Variants in CAMSAP3 observed in about 807,000 individuals in gnomAD.
CAMSAP3 encodes calmodulin-regulated spectrin-associated protein 3.
A neutral mutation model predicts 112.5 loss-of-function variants in CAMSAP3; 34 were observed. The observed-to-expected ratio is 0.30, with a 90% confidence interval of 0.23 to 0.40. The LOEUF is 0.40. Ranked by LOEUF, CAMSAP3 falls within the 10% of genes least tolerant of loss-of-function variation. The pLI is 1.00. For synonymous variants in CAMSAP3, 868 were observed against 799.8 expected (o/e 1.09, Z -1.44); for missense variants, 1,602 against 1,770.3 (o/e 0.90, Z 1.71).
chr19:7,613,668 G>A (rs969069671), intron 11 of CAMSAP3, among the ~76,000 whole-genome samples: 1 of 151,866 alleles, frequency 6.6e-6, no homozygotes, highest in Non-Finnish European at 1.5e-5. Flanking sequence ...ATAGACAGAT[G>A]GATGAATGGC....
chr19:7,613,079 G>T lies in CAMSAP3; in HGVS notation c.2586G>T (p.Gly862=), dbSNP rs1408172446. ...ADPAAEDEGD[G]SPAGAEDSLE... is the part of the protein sequence containing the mutation. ...CCGCCGCCGAGGACGAGGGAGACGG[G>T]AGCCCCGCTGGTGCTGAGGATTCCT... The change falls in exon 11 of 17, where the codon GGG becomes GGT. Residue 862 remains glycine, a synonymous_variant. Coordinates refer to ENST00000160298, the MANE Select transcript of CAMSAP3 (RefSeq NM_020902.2). 1 of 1,547,536 alleles carries T rather than the reference G, an allele frequency of 6.5e-7. No homozygotes were observed. The highest frequency in any genetic ancestry group is 1.2e-5 in the South Asian group (1 of 83,954).
chr19:7,596,819 G>A (rs2146149092), intron 1 of CAMSAP3, among the ~76,000 whole-genome samples: 1 of 152,256 alleles, frequency 6.6e-6, no homozygotes, highest in South Asian at 2.1e-4. Context: ...GAAGGGAAAT[G>A]GGTAGTACAA....
At chr19:7,597,606 G>A (rs1313712578) in intron 1 of CAMSAP3, among the ~76,000 whole-genome samples, 2 of 152,208 alleles carry the variant, frequency 1.3e-5, no homozygotes, top group South Asian at 2.1e-4. Flanking sequence ...GAGACCCCCC[G>A]TTACCTCTTT....
intron 2 of CAMSAP3, 135 bp from the exon 3 acceptor site, chr19:7,606,136 G>GCCCCCCCCCCCCCACCCC: frequency 2.0e-6 from 1 of 511,800 alleles, no homozygotes. Flanking sequence ...TGAACCACTG[G>GCCCCCCCCCCCCCACCCC]CCCCGCCCCC....
At position 7,607,555 on chromosome 19, in the gene CAMSAP3, C is replaced by T. The variant is rs549207920; in HGVS notation, c.622-571C>T. On this transcript the variant is annotated intron_variant, in intron 4 of 16. Transcript: ENST00000160298. The surrounding 1 kb of genome is among the most constrained non-coding windows in gnomAD (Gnocchi z 4.9). Reference sequence around the variant, plus strand: ...TTGGGAGGTTCCCTTCCTGCCTACCCGCTTCCTCTGCATCCTCTCCCCAAG... The same window carrying T: ...TTGGGAGGTTCCCTTCCTGCCTACCTGCTTCCTCTGCATCCTCTCCCCAAG... Among the ~76,000 whole-genome samples the T allele has an allele frequency of 4.3e-4, 65 of 152,262 alleles. No homozygotes were observed. The highest frequency in any genetic ancestry group is 1.4e-3 in the African/African-American group (59 of 41,560).
In CAMSAP3 at chr19:7,611,953, C is replaced by T. The variant is rs1205525297; in HGVS notation, c.1460C>T (p.Ser487Phe). ...GAADGSFYLH[S>F]PEGPSKPSLA... ...GCCGACGGCAGCTTCTACCTCCACT[C>T]CCCTGAGGGGCCCTCCAAGCCATCC... The change falls in exon 11 of 17, where the codon TCC becomes TTC. Residue 487 changes from serine (S) to phenylalanine (F), a missense_variant. By Grantham distance (155) the Ser-to-Phe change is radical. Coordinates refer to ENST00000160298, the MANE Select transcript of CAMSAP3 (RefSeq NM_020902.2). This position sits in a 1 kb window ranked among gnomAD's most constrained non-coding sequence, Gnocchi z 6.9. 3 of 1,609,262 alleles carry T rather than the reference C, an allele frequency of 1.9e-6. No individual in the cohort carries two copies. Among genetic ancestry groups the T allele is most frequent in the African/African-American group, 2.7e-5 (2 of 74,914 alleles).
intron 2 of CAMSAP3, 120 bp from the exon 3 acceptor site, chr19:7,606,151 G>GGCCC: frequency 2.0e-5 from 3 of 151,400 alleles, no homozygotes; most frequent in East Asian, 2.4e-4. Flanking sequence ...GCCCCCTCAA[G>GGCCC]CCCCACCCCC....
At chr19:7,603,260 G>T (rs1047150620) in intron 1 of CAMSAP3, among the ~76,000 whole-genome samples, 1 of 150,614 alleles carries the variant, frequency 6.6e-6, no homozygotes, top group Non-Finnish European at 1.5e-5. Flanking sequence ...TATCACCCAG[G>T]CTGGAGTGCA....
intron 4 of CAMSAP3, 49 bp downstream of exon 4, chr19:7,606,620 G>A: frequency 6.6e-7 from 1 of 1,520,920 alleles, no homozygotes; most frequent in East Asian, 2.4e-5. Flanking sequence ...CCGGAGATCT[G>A]GGAGGGCAGG....
rs972067429 is a variant in CAMSAP3 at position 7,615,346 on chromosome 19, G to A, written c.2810+24G>A. The A allele has an allele frequency of 2.0e-5, 31 of 1,535,638 alleles. No homozygotes were observed. The highest frequency in any genetic ancestry group is 8.2e-5 in the African/African-American group (6 of 72,818). ...AGGTGAGGCCGGGCCTGCCCGGGAC[G>A]CCCGCTCCTTGGCCTGTCTGCCACC... On this transcript the variant is annotated intron_variant, in intron 12 of 16. Transcript: ENST00000160298. This position sits in a 1 kb window ranked among gnomAD's most constrained non-coding sequence, Gnocchi z 6.5.
In CAMSAP3 at chr19:7,615,144, G is replaced by T; in HGVS notation, c.2671-39G>T. On this transcript the variant is annotated intron_variant, in intron 11 of 16. Coordinates refer to ENST00000160298, the MANE Select transcript of CAMSAP3 (RefSeq NM_020902.2). The surrounding 1 kb of genome is among the most constrained non-coding windows in gnomAD (Gnocchi z 6.5). ...GAAGATGGGCCTCCAGCCATGTTGG[G>T]GGAGGGGGTGGCTGGCTGGACTCGG... 1 of 1,552,208 alleles carries T rather than the reference G, an allele frequency of 6.4e-7. No individual in the cohort carries two copies. Among genetic ancestry groups the T allele is most frequent in the Non-Finnish European group, 8.7e-7 (1 of 1,147,880 alleles).
In CAMSAP3 at chr19:7,607,063, C is replaced by T. The variant is rs2030261998; in HGVS notation, c.621+492C>T. ...GATGGGTGGGGACGAACTTCCCCTC[C>T]CGTTATTCAGAAGGGCAAGCCCTCC... On this transcript the variant is annotated intron_variant, in intron 4 of 16. Transcript: ENST00000160298. This position sits in a 1 kb window ranked among gnomAD's most constrained non-coding sequence, Gnocchi z 4.9. Among the ~76,000 whole-genome samples the T allele has an allele frequency of 6.6e-6, 1 of 152,080 alleles. No homozygotes were observed. Among genetic ancestry groups the T allele is most frequent in the Admixed American group, 6.6e-5 (1 of 15,260 alleles).
At position 7,612,843 on chromosome 19, in the gene CAMSAP3, A is replaced by G; in HGVS notation, c.2350A>G (p.Thr784Ala). 1 of 1,587,590 alleles carries G rather than the reference A, an allele frequency of 6.3e-7. No individual in the cohort carries two copies. The highest frequency in any genetic ancestry group is 1.1e-5 in the South Asian group (1 of 88,544). The change falls in exon 11 of 17, where the codon ACG (threonine) becomes GCG (alanine). Residue 784 changes from threonine to alanine, a missense_variant. Coordinates refer to ENST00000160298, the MANE Select transcript of CAMSAP3 (RefSeq NM_020902.2). ...PSQSPRSPKH[T>A]RPAELRLAPL... ...CCAGTCACCCCGCAGCCCGAAACAC[A>G]CGCGGCCAGCGGAGCTGCGGCTGGC...
In CAMSAP3 at chr19:7,606,390, C is replaced by G. The variant is rs1184661753; in HGVS notation, c.522C>G (p.Asp174Glu). 2.7e-5 allele frequency: 44 copies of G among 1,613,596 alleles called. No individual in the cohort carries two copies. Among genetic ancestry groups the G allele is most frequent in the Non-Finnish European group, 3.6e-5 (42 of 1,180,018 alleles). The change falls in exon 3 of 17, where the codon GAC (aspartate) becomes GAG (glutamate). Residue 174 changes from aspartate to glutamate, a missense_variant. Asp to Glu is a conservative substitution (Grantham distance 45). Transcript: ENST00000160298. Reference sequence around the variant, plus strand: ...AGCACAAGCTGCTTTTCTGGGTGGACACGGTAGGTGGGGTTGGGCCTGGGG... The same window carrying G: ...AGCACAAGCTGCTTTTCTGGGTGGAGACGGTAGGTGGGGTTGGGCCTGGGG... ...SLEHKLLFWVDTTVRRLQEKT... is the reference protein window; with the variant it reads ...SLEHKLLFWVETTVRRLQEKT...
In CAMSAP3 at chr19:7,617,308, A is replaced by G. The variant is rs2030857918; in HGVS notation, c.3213-18A>G. 3 of 1,584,732 alleles carry G rather than the reference A, an allele frequency of 1.9e-6. No individual in the cohort carries two copies. Among genetic ancestry groups the G allele is most frequent in the Non-Finnish European group, 1.7e-6 (2 of 1,153,902 alleles). On this transcript the variant is annotated intron_variant, in intron 14 of 16. Transcript: ENST00000160298. This position sits in a 1 kb window ranked among gnomAD's most constrained non-coding sequence, Gnocchi z 7.5. ...CCCATCCTGACCCCACCTCCATCCC[A>G]TCCTTCTCCCACTGCAGGGCTCCCT...
At chr19:7,596,254 A>G (rs1347386924) in intron 1 of CAMSAP3, 104 bp downstream of exon 1, 4 of 574,230 alleles carry the variant, frequency 7.0e-6, no homozygotes, top group Non-Finnish European at 8.9e-6. Flanking sequence ...CCGTGGGAAC[A>G]ATAGCGCCGG....
rs200396606 is a variant in CAMSAP3 at position 7,611,689 on chromosome 19, G to A, written c.1196G>A (p.Arg399His). The A allele has an allele frequency of 3.0e-4, 469 of 1,561,802 alleles. 1 individual carries two copies. In the East Asian group the frequency reaches 7.6e-3, roughly 25 times the overall value. The change falls in exon 11 of 17, where the codon CGT becomes CAT. Residue 399 changes from arginine to histidine, a missense_variant and splice_region_variant. Physicochemically the swap from Arg to His is conservative, Grantham distance 29. Around this residue, in one of 6 missense-constraint regions of CAMSAP3, gnomAD observed 1,100 missense variants for 1,135.7 expected, o/e 0.97. Coordinates refer to ENST00000160298, the MANE Select transcript of CAMSAP3 (RefSeq NM_020902.2). This position sits in a 1 kb window ranked among gnomAD's most constrained non-coding sequence, Gnocchi z 6.9. ...LGKAWNRQLS[R>H]PLSQAVSFST... is the part of the protein sequence containing the mutation. Reference sequence around the variant, plus strand: ...GACCCCTCCCTCCGGCCGCCCAGCCGTCCCCTCTCCCAGGCTGTGTCATTC... The same window carrying A: ...GACCCCTCCCTCCGGCCGCCCAGCCATCCCCTCTCCCAGGCTGTGTCATTC...
chr19:7,610,907 C>T lies in CAMSAP3; in HGVS notation c.1025C>T (p.Pro342Leu), dbSNP rs746848584. 1 of 1,588,008 alleles carries T rather than the reference C, an allele frequency of 6.3e-7. No homozygotes were observed. The highest frequency in any genetic ancestry group is 8.6e-7 in the Non-Finnish European group (1 of 1,166,662). The change falls in exon 8 of 17, where the codon CCA (proline) becomes CTA (leucine). Residue 342 changes from proline to leucine, a missense_variant. By Grantham distance (98) the Pro-to-Leu change is moderately conservative. This residue lies in a region of CAMSAP3 where 1,100 missense variants were observed against 1,135.7 expected (regional missense o/e 0.97). Coordinates refer to ENST00000160298, the MANE Select transcript of CAMSAP3 (RefSeq NM_020902.2). The surrounding 1 kb of genome is among the most constrained non-coding windows in gnomAD (Gnocchi z 4.9). Reference sequence around the variant, plus strand: ...TCCCCCCGGGGCACTGAGGCCTCCCCACCTCAGAACAACAGCGGCAGTAGG... The same window carrying T: ...TCCCCCCGGGGCACTGAGGCCTCCCTACCTCAGAACAACAGCGGCAGTAGG... ...AASPRGTEAS[P>L]PQNNSGSSSP...
At chr19:7,608,012 C>A (rs1256911987) in intron 4 of CAMSAP3, 114 bp from the exon 5 acceptor site, 2 of 1,324,696 alleles carry the variant, frequency 1.5e-6, no homozygotes, top group East Asian at 2.4e-5. Context: ...TCTCTGGGAC[C>A]CCCAGCTTCC....
Sources: allele counts gnomAD v4.1 joint callset (sites outside exome capture counted in the v4.1 genomes callset), GRCh38; gene constraint gnomAD v4.1.1; regional missense constraint gnomAD v4.1.1; non-coding constraint Gnocchi (gnomAD v3.1); transcripts MANE v1.5; gene names NCBI Gene and HGNC (gene_info 2026-07-23, HGNC 2026-07-21).